Variants in NLGN3 observed in about 807,000 individuals in gnomAD.
NLGN3 encodes the protein neuroligin-3.
In NLGN3, 11 loss-of-function variants were observed where a neutral mutation model predicts 42.9. That is an observed-to-expected ratio of 0.26 (90% CI 0.16 to 0.42). NLGN3 has a LOEUF of 0.42. Among genes scored for constraint, NLGN3 ranks in the 10% least tolerant of loss-of-function variants. The probability of loss-of-function intolerance (pLI) is 1.00; values close to 1 mark genes in which losing one functional copy is unlikely to be tolerated. For synonymous variants in NLGN3, 279 were observed against 312.7 expected (o/e 0.89, Z 1.14); for missense variants, 374 against 733.8 (o/e 0.51, Z 5.67).
chrX:71,145,914 GC>G (rs771030159), intron 1 of NLGN3, among the ~76,000 whole-genome samples: 8 of 92,988 alleles, frequency 8.6e-5, no homozygotes, highest in East Asian at 3.4e-4. Flanking sequence ...TGCGGACTAT[GC>G]CCCCCCCAAT....
chrX:71,149,343 G>A (rs1182162508), intron 3 of NLGN3, among the ~76,000 whole-genome samples: 2 of 110,498 alleles, frequency 1.8e-5, no homozygotes, highest in African/African-American at 3.3e-5. Context: ...TAGACCAAAC[G>A]TGTACACAGG....
chrX:71,145,904 T>G (rs1309363647), intron 1 of NLGN3, among the ~76,000 whole-genome samples: 1 of 100,656 alleles, frequency 9.9e-6, no homozygotes, highest in Non-Finnish European at 2.0e-5. Flanking sequence ...TGAACTCAGC[T>G]GCGGACTATG....
intron 2 of NLGN3, among the ~76,000 whole-genome samples, chrX:71,148,500 G>C (rs970216840): frequency 9.0e-6 from 1 of 111,012 alleles, no homozygotes; most frequent in East Asian, 2.9e-4. Flanking sequence ...TATGGGTCAC[G>C]GCTGGCAGCT....
Position 71,170,284 on chromosome X carries a change from C to A in NLGN3, c.*187C>A. 1 of 1,116,154 alleles carries A rather than the reference C, an allele frequency of 9.0e-7. No homozygotes were observed. Among genetic ancestry groups the A allele is most frequent in the Non-Finnish European group, 1.2e-6 (1 of 851,357 alleles). The allele number at this position is 1,116,154 out of a possible 1,213,427, so 92.0% of individuals were successfully genotyped here. On this transcript the variant is annotated 3_prime_UTR_variant, in exon 8 of 8. Coordinates refer to ENST00000358741, the MANE Select transcript of NLGN3 (RefSeq NM_181303.2). Reference sequence around the variant, plus strand: ...AGATGTGGACATGCACCCGCATGTACAAAAACACAAATACGGAAGTAAACC... The same window carrying A: ...AGATGTGGACATGCACCCGCATGTAAAAAAACACAAATACGGAAGTAAACC...
chrX:71,161,912 C>A (rs1437813639), intron 5 of NLGN3, among the ~76,000 whole-genome samples: 2 of 113,107 alleles, frequency 1.8e-5, no homozygotes, highest in Non-Finnish European at 3.7e-5. Flanking sequence ...TTAGGCCAGG[C>A]ATGTTTGACA....
Position 71,170,299 on chromosome X carries a change from G to A in NLGN3, c.*202G>A. 4 of 1,106,657 alleles carry A rather than the reference G, an allele frequency of 3.6e-6. No individual in the cohort carries two copies. The South Asian group carries it at 8.7e-5, about 24-fold the overall frequency. 91.2% of individuals were successfully genotyped at this position (1,106,657 alleles called of 1,213,427 possible). On this transcript the variant is annotated 3_prime_UTR_variant, in exon 8 of 8. Transcript: ENST00000358741. ...CCCGCATGTACAAAAACACAAATAC[G>A]GAAGTAAACCTGAACAAACCCTTTA...
At chrX:71,148,505 G>A (rs373817307) in intron 2 of NLGN3, among the ~76,000 whole-genome samples, 2 of 111,233 alleles carry the variant, frequency 1.8e-5, no homozygotes, top group African/African-American at 6.5e-5. Flanking sequence ...GTCACGGCTG[G>A]CAGCTACCCG....
At chrX:71,171,667 G>A (rs923294885), downstream of NLGN3, 201 of 749,022 alleles carry the variant, frequency 2.7e-4, no homozygotes, top group African/African-American at 4.0e-4. Context: ...AGCGTCAGAC[G>A]TGGACTCCCT....
chrX:71,156,017 A>G (rs2092407406), intron 5 of NLGN3, among the ~76,000 whole-genome samples: 2 of 110,040 alleles, frequency 1.8e-5, no homozygotes, highest in Admixed American at 9.7e-5. Flanking sequence ...CACCCTCCGC[A>G]TGTACACACA....
In NLGN3 at chrX:71,162,793, C is replaced by T. The variant is rs147459049; in HGVS notation, c.728-1350C>T. On this transcript the variant is annotated intron_variant, in intron 5 of 7. Coordinates refer to ENST00000358741, the MANE Select transcript of NLGN3 (RefSeq NM_181303.2). ...AGCCTCTGCCTATGGACTGCAAGGA[C>T]GCCAGAGAACTCCCCATGAGCTCTG... Among the ~76,000 whole-genome samples, 13 of 112,023 alleles carry T rather than the reference C, an allele frequency of 1.2e-4. No individual in the cohort carries two copies. The East Asian group carries it at 2.8e-3, about 24-fold the overall frequency.
At position 71,169,972 on chromosome X, in the gene NLGN3, C is replaced by T; in HGVS notation, c.2422C>T (p.Pro808Ser). Residue 808 changes from proline (P) to serine (S), a missense_variant, in exon 8 of 8, where the codon CCC becomes TCC. Around this residue, in one of 6 missense-constraint regions of NLGN3, gnomAD observed 92 missense variants for 108.0 expected, o/e 0.85. Coordinates refer to ENST00000358741, the MANE Select transcript of NLGN3 (RefSeq NM_181303.2). The stretch of plus-strand genomic sequence containing the variant: ...CCCGGATGACATCCCACTCATGACC[C>T]CCAACACCATCACTATGATCCCCAA... ...RSPDDIPLMTPNTITMIPNSL... is the reference protein window; with the variant it reads ...RSPDDIPLMTSNTITMIPNSL... 1 of 1,208,784 alleles carries T rather than the reference C, an allele frequency of 8.3e-7. No individual in the cohort carries two copies. Among genetic ancestry groups the T allele is most frequent in the Non-Finnish European group, 1.1e-6 (1 of 894,146 alleles).
chrX:71,157,527 T>C (rs1187606352), intron 5 of NLGN3, among the ~76,000 whole-genome samples: 1 of 110,222 alleles, frequency 9.1e-6, no homozygotes, highest in Non-Finnish European at 1.9e-5. Flanking sequence ...TTTCACCATG[T>C]TGGCCAGGCT....
rs2092463370 is a variant in NLGN3 at position 71,169,613 on chromosome X, A to G, written c.2063A>G (p.Asn688Ser). The G allele has an allele frequency of 1.7e-6, 2 of 1,212,058 alleles. No individual in the cohort carries two copies. The change falls in exon 8 of 8, where the codon AAC (asparagine) becomes AGC (serine). Residue 688 changes from asparagine to serine, a missense_variant. Coordinates refer to ENST00000358741, the MANE Select transcript of NLGN3 (RefSeq NM_181303.2). ...YSNENAQGSW[N>S]GDQDAGPLLV... ...AACGAGAATGCCCAGGGGTCCTGGAACGGGGACCAGGATGCAGGGCCACTC... is the reference window on the plus strand; with the variant it reads ...AACGAGAATGCCCAGGGGTCCTGGAGCGGGGACCAGGATGCAGGGCCACTC...
At chrX:71,163,969 T>C (rs1364508613) in intron 5 of NLGN3, among the ~76,000 whole-genome samples, 174 bp from the exon 6 acceptor site, 2 of 112,885 alleles carry the variant, frequency 1.8e-5, no homozygotes, top group African/African-American at 3.2e-5. Flanking sequence ...CCCTCCTCTG[T>C]TGACGATGCT....
chrX:71,154,150 ACC>A (rs1368008239), intron 4 of NLGN3, among the ~76,000 whole-genome samples: 10 of 113,084 alleles, frequency 8.8e-5, no homozygotes, highest in Non-Finnish European at 1.7e-4. Flanking sequence ...AGGCCAGGAC[ACC>A]ACAGCCATCA....
Position 71,169,312 on chromosome X carries a change from T to C in NLGN3, c.1762T>C (p.Phe588Leu). 1 of 1,210,019 alleles carries C rather than the reference T, an allele frequency of 8.3e-7. No homozygotes were observed. Among genetic ancestry groups the C allele is most frequent in the South Asian group, 1.8e-5 (1 of 56,564 alleles). Residue 588 changes from phenylalanine to leucine, a missense_variant, in exon 8 of 8, where the codon TTT (phenylalanine) becomes CTT (leucine). Physicochemically the swap from Phe to Leu is conservative, Grantham distance 22. Transcript: ENST00000358741. Reference protein sequence around the residue: ...TKFIHTKANRFEEVAWSKYNP... With the variant: ...TKFIHTKANRLEEVAWSKYNP... ...GTTCATTCACACCAAGGCCAACCGC[T>C]TTGAGGAAGTGGCCTGGTCCAAATA...
chrX:71,165,738 T>C (rs1330281545), intron 6 of NLGN3, among the ~76,000 whole-genome samples: 1 of 111,068 alleles, frequency 9.0e-6, no homozygotes, highest in East Asian at 2.8e-4. Context: ...TTCGCCATGT[T>C]GCCCAGGCTG....
intron 4 of NLGN3, among the ~76,000 whole-genome samples, chrX:71,153,938 G>C (rs1246958747): frequency 8.9e-6 from 1 of 111,945 alleles, no homozygotes; most frequent in African/African-American, 3.3e-5. Context: ...AGAGACCCCT[G>C]TGTCTCACAG....
intron 3 of NLGN3, among the ~76,000 whole-genome samples, chrX:71,151,957 C>G (rs1020253246): frequency 1.8e-5 from 2 of 111,875 alleles, no homozygotes; most frequent in Non-Finnish European, 3.8e-5. Context: ...TAGGTGCCAC[C>G]GGAAGTTCAG....
Sources: allele counts gnomAD v4.1 joint callset (sites outside exome capture counted in the v4.1 genomes callset), GRCh38; gene constraint gnomAD v4.1.1; regional missense constraint gnomAD v4.1.1; transcripts MANE v1.5; gene names NCBI Gene and HGNC (gene_info 2026-07-23, HGNC 2026-07-21).